DNM3: variants seen among roughly 807,000 people sequenced by gnomAD.
DNM3 encodes the protein dynamin 3, also known as dynamin-3.
DNM3 carries 47 observed loss-of-function variants against 101.6 expected under a neutral mutation model. That is an observed-to-expected ratio of 0.46 (90% CI 0.37 to 0.59). The LOEUF (loss-of-function observed/expected upper bound fraction) is 0.59, where lower values mean the gene tolerates loss of function less well. Ranked by LOEUF, DNM3 falls within the 20% of genes least tolerant of loss-of-function variation. DNM3 has a pLI of 0.00. For synonymous variants in DNM3, 385 were observed against 387.9 expected, an observed-to-expected ratio of 0.99 and a Z score of 0.09; for missense variants, 849 against 1,085.7, an observed-to-expected ratio of 0.78 and a Z score of 3.06.
At chr1:172,095,267 T>A (rs2054169977) in intron 13 of DNM3, among the ~76,000 whole-genome samples, 1 of 152,134 alleles carries the variant, frequency 6.6e-6, no homozygotes, top group Non-Finnish European at 1.5e-5. Context: ...ATTTCTGCAG[T>A]GAAACAAAGG....
chr1:172,342,487 G>A (rs796362979), intron 17 of DNM3, among the ~76,000 whole-genome samples: 75 of 152,218 alleles, frequency 4.9e-4, no homozygotes, highest in African/African-American at 1.7e-3. Flanking sequence ...GACCATTATC[G>A]TTAGCAAATG....
chr1:172,361,110 C>T (rs918321780), intron 17 of DNM3, among the ~76,000 whole-genome samples: 3 of 151,892 alleles, frequency 2.0e-5, no homozygotes, highest in Admixed American at 2.0e-4. Flanking sequence ...TGGGTCTGGC[C>T]CACTATGGGA....
rs111816177 is a variant in DNM3, at chr1:171,963,368, T to C, written c.236-24288T>C. On this transcript the variant is annotated intron_variant, in intron 2 of 20. Coordinates refer to ENST00000627582, the MANE Select transcript of DNM3 (RefSeq NM_015569.5). ...AAAAAGATCAGTGGTTGCCTGGGGT[T>C]AGGGGAGAGGGAGAGATGAATAGGT... Among the ~76,000 whole-genome samples the C allele has an allele frequency of 5.6e-3, 849 of 152,168 alleles. 6 individuals are homozygous for C. Among genetic ancestry groups the C allele is most frequent in the African/African-American group, 0.018 (754 of 41,536 alleles).
At chr1:172,021,917 T>C (rs1328418862) in intron 4 of DNM3, among the ~76,000 whole-genome samples, 1 of 152,252 alleles carries the variant, frequency 6.6e-6, no homozygotes, top group Non-Finnish European at 1.5e-5. Flanking sequence ...GCATATAACC[T>C]CTTCTAAATC....
chr1:172,229,878 G>T (rs2061269497), intron 14 of DNM3, among the ~76,000 whole-genome samples: 1 of 152,040 alleles, frequency 6.6e-6, no homozygotes. Flanking sequence ...ATTCTTCTTT[G>T]TGTATGCCAC....
chr1:171,994,424 A>T (rs567771668), intron 4 of DNM3, among the ~76,000 whole-genome samples: 6 of 152,238 alleles, frequency 3.9e-5, no homozygotes, highest in African/African-American at 1.4e-4. Flanking sequence ...GTAAATCGCT[A>T]AACATTTACC....
intron 4 of DNM3, among the ~76,000 whole-genome samples, chr1:171,999,515 A>G (rs79057090): frequency 0.02 from 3,048 of 152,168 alleles, 104 homozygotes; most frequent in African/African-American, 0.069. Context: ...CCAGTTCAAG[A>G]GCAGAGTTTC....
At chr1:172,414,526 A>G (rs1467970871), downstream of DNM3, among the ~76,000 whole-genome samples, 1 of 152,242 alleles carries the variant, frequency 6.6e-6, no homozygotes, top group Admixed American at 6.5e-5. Flanking sequence ...ATTTGACCAT[A>G]GAACATCTCA....
In DNM3 at chr1:171,987,652, G is replaced by A; in HGVS notation, c.236-4G>A. The A allele has an allele frequency of 1.3e-6, 2 of 1,556,726 alleles. No individual in the cohort carries two copies. Among genetic ancestry groups the A allele is most frequent in the Non-Finnish European group, 1.7e-6 (2 of 1,156,764 alleles). ...GTTGTGTCATTTTGGTTTTATTTTT[G>A]TAGAATATGCCGAGTTTCTACATTG... is the stretch of plus-strand genomic sequence containing the variant. On this transcript the variant is annotated splice_region_variant and splice_polypyrimidine_tract_variant and intron_variant, in intron 2 of 20. Transcript: ENST00000627582.
rs2052587491 is a variant in DNM3, at chr1:172,075,595, G to T, written c.1423-6237G>T. 2.0e-5 allele frequency among the ~76,000 whole-genome samples: 3 copies of T among 151,644 alleles called. No homozygotes were observed. The South Asian group carries it at 6.2e-4, about 32-fold the overall frequency. Reference sequence around the variant, plus strand: ...ATCCTTTCCCCATTGCTTTTTTTTGGTCAGATTTGTCAAAGATCAGCTGGT... The same window carrying T: ...ATCCTTTCCCCATTGCTTTTTTTTGTTCAGATTTGTCAAAGATCAGCTGGT... On this transcript the variant is annotated intron_variant, in intron 11 of 20. Coordinates refer to ENST00000627582, the MANE Select transcript of DNM3 (RefSeq NM_015569.5).
Position 171,841,532 on chromosome 1 carries a change from G to A in DNM3, c.-125G>A, listed in dbSNP as rs547868812. 1.1e-4 allele frequency: 142 copies of A among 1,348,396 alleles called. No individual in the cohort carries two copies. The Middle Eastern group carries it at 3.9e-3, about 37-fold the overall frequency. 83.5% of individuals were successfully genotyped at this position (1,348,396 alleles called of 1,614,324 possible). The stretch of plus-strand genomic sequence containing the variant: ...CGGCGGGCTGGCGGCGGGCTCCGAC[G>A]TCTGCGCCAGGACCTGGCTGGCTGA... On this transcript the variant is annotated 5_prime_UTR_variant, in exon 1 of 21. Transcript: ENST00000627582.
chr1:171,901,165 G>A lies in DNM3; in HGVS notation c.162-20583G>A, dbSNP rs568161534. On this transcript the variant is annotated intron_variant, in intron 1 of 20. Coordinates refer to ENST00000627582, the MANE Select transcript of DNM3 (RefSeq NM_015569.5). Reference sequence around the variant, plus strand: ...TCTATGAAGTTCAGCACCTAGGAAAGATGACAGTCTTGTAGTCATACCCCA... The same window carrying A: ...TCTATGAAGTTCAGCACCTAGGAAAAATGACAGTCTTGTAGTCATACCCCA... Among the ~76,000 whole-genome samples, 32 of 141,712 alleles carry A rather than the reference G, an allele frequency of 2.3e-4. No individual in the cohort carries two copies. In the South Asian group the frequency reaches 5.4e-3, roughly 24 times the overall value. The allele number at this position is 141,712 out of a possible 152,430, so 93.0% of individuals were successfully genotyped here.
intron 1 of DNM3, among the ~76,000 whole-genome samples, chr1:171,845,074 T>C (rs1239465293): frequency 6.6e-6 from 1 of 152,124 alleles, no homozygotes; most frequent in African/African-American, 2.4e-5. Flanking sequence ...AGTAACTCAC[T>C]CAAGGATAAT....
At chr1:172,291,734 T>C (rs1257725366) in intron 15 of DNM3, among the ~76,000 whole-genome samples, 1 of 152,182 alleles carries the variant, frequency 6.6e-6, no homozygotes, top group African/African-American at 2.4e-5. Flanking sequence ...GTTGTAGTTA[T>C]AAATCTGAAG....
chr1:172,161,079 G>T (rs1008047406), intron 14 of DNM3, among the ~76,000 whole-genome samples: 1 of 151,748 alleles, frequency 6.6e-6, no homozygotes, highest in Non-Finnish European at 1.5e-5. Flanking sequence ...CCGATGGCTG[G>T]ATTATTTACT....
At chr1:171,967,543 C>T (rs1382565216) in intron 2 of DNM3, among the ~76,000 whole-genome samples, 2 of 152,038 alleles carry the variant, frequency 1.3e-5, no homozygotes, top group Admixed American at 1.3e-4. Flanking sequence ...ATTTCCTTAT[C>T]TAAGAAAGTG....
rs530637869 is a variant in DNM3, at chr1:171,946,339, C to T, written c.235+24518C>T. 8.5e-5 allele frequency among the ~76,000 whole-genome samples: 13 copies of T among 152,174 alleles called. No individual in the cohort carries two copies. In the South Asian group the frequency reaches 2.7e-3, roughly 32 times the overall value. On this transcript the variant is annotated intron_variant, in intron 2 of 20. Coordinates refer to ENST00000627582, the MANE Select transcript of DNM3 (RefSeq NM_015569.5). ...AGGGGTGGTTAGAATTTGGGACTTA[C>T]CTACTATCTTAATAGGGAAAGGGGA...
intron 14 of DNM3, among the ~76,000 whole-genome samples, chr1:172,218,138 C>T (rs759879889): frequency 6.6e-6 from 1 of 152,072 alleles, no homozygotes; most frequent in Non-Finnish European, 1.5e-5. Context: ...TAGACATAAT[C>T]TCAGTGTTAT....
intron 15 of DNM3, among the ~76,000 whole-genome samples, chr1:172,298,596 A>T (rs1050056325): frequency 1.3e-5 from 2 of 152,118 alleles, no homozygotes. Context: ...TGTCTACCTG[A>T]GTACCACTCC....
Sources: allele counts gnomAD v4.1 joint callset (sites outside exome capture counted in the v4.1 genomes callset), GRCh38; gene constraint gnomAD v4.1.1; transcripts MANE v1.5; gene names NCBI Gene and HGNC (gene_info 2026-07-23, HGNC 2026-07-21).